Variants in PALS2 observed in about 807,000 individuals in gnomAD.
PALS2 encodes the protein protein associated with LIN7 2, MAGUK p55 family member.
In PALS2, 27 loss-of-function variants were observed where a neutral mutation model predicts 61.6. That is an observed-to-expected ratio of 0.44 (90% confidence interval 0.32 to 0.60). The LOEUF (loss-of-function observed/expected upper bound fraction) is 0.60. PALS2 is among the 20% of genes least tolerant of loss of function. PALS2 has a pLI of 0.05. For missense variants in PALS2, 554 were observed against 639.4 expected (o/e 0.87, Z 1.44); for synonymous variants, 236 against 218.6 (o/e 1.08, Z -0.70).
chr7:24,639,345 C>T (rs1023920451), intron 2 of PALS2, among the ~76,000 whole-genome samples: 3 of 151,864 alleles, frequency 2.0e-5, no homozygotes, highest in Non-Finnish European at 2.9e-5. Context: ...ATCACTTCAC[C>T]TTTTTTTGCA....
intron 1 of PALS2, among the ~76,000 whole-genome samples, chr7:24,604,151 T>A (rs1285304596): frequency 1.4e-5 from 2 of 147,314 alleles, no homozygotes; most frequent in African/African-American, 5.1e-5. Context: ...TTCAAGACTA[T>A]GATCACACCT....
intron 1 of PALS2, among the ~76,000 whole-genome samples, chr7:24,583,287 A>G (rs116157607): frequency 1.3e-5 from 2 of 152,160 alleles, no homozygotes; most frequent in Admixed American, 6.5e-5. Context: ...TGTAAGCCCT[A>G]TTTTTAAAAG....
intron 2 of PALS2, among the ~76,000 whole-genome samples, chr7:24,625,835 C>A (rs573021888): frequency 5.3e-5 from 8 of 152,048 alleles, no homozygotes; most frequent in African/African-American, 1.9e-4. Context: ...TAAGGAAAAA[C>A]AATGGTAGTT....
chr7:24,649,561 A>T, intron 3 of PALS2, 51 bp from the exon 4 acceptor site: 2 of 1,439,836 alleles, frequency 1.4e-6, no homozygotes, highest in Non-Finnish European at 1.8e-6. Flanking sequence ...TTTAGTAACA[A>T]ATTTCATCCA....
intron 1 of PALS2, among the ~76,000 whole-genome samples, chr7:24,602,365 C>A (rs1350194047): frequency 2.0e-5 from 3 of 151,922 alleles, no homozygotes; most frequent in Non-Finnish European, 4.4e-5. Context: ...ATCCAGTATC[C>A]CAAGATTCTT....
chr7:24,607,591 ATATG>A (rs1005218145), intron 1 of PALS2, among the ~76,000 whole-genome samples: 46 of 130,864 alleles, frequency 3.5e-4, no homozygotes, highest in African/African-American at 1.1e-3. Context: ...ATATATACAT[ATATG>A]TGTGTGTATA....
At chr7:24,600,139 A>G (rs560144534) in intron 1 of PALS2, among the ~76,000 whole-genome samples, 2 of 152,302 alleles carry the variant, frequency 1.3e-5, no homozygotes, top group East Asian at 3.9e-4. Flanking sequence ...AAGCAGATCT[A>G]TGAACATTCC....
intron 1 of PALS2, among the ~76,000 whole-genome samples, chr7:24,594,232 G>A (rs1382306882): frequency 6.6e-6 from 1 of 152,036 alleles, no homozygotes; most frequent in African/African-American, 2.4e-5. Context: ...AAGGGAGTTA[G>A]GGCCTTACTC....
At chr7:24,624,605 C>CTTTTTTTT (rs368160704) in intron 2 of PALS2, among the ~76,000 whole-genome samples, 24 of 86,328 alleles carry the variant, frequency 2.8e-4, no homozygotes, top group South Asian at 1.7e-3. Flanking sequence ...GCAGATTCTT[C>CTTTTTTTT]TTTTTTTTTT....
At chr7:24,678,742 C>T (rs78312609) in intron 9 of PALS2, among the ~76,000 whole-genome samples, 10,497 of 152,234 alleles carry the variant, frequency 0.069, 451 homozygotes, top group African/African-American at 0.11. Context: ...GGTAAATATA[C>T]TTTGAGTTTC....
At chr7:24,655,642 T>TC (rs1427769150) in intron 5 of PALS2, among the ~76,000 whole-genome samples, 31 of 146,022 alleles carry the variant, frequency 2.1e-4, no homozygotes, top group Non-Finnish European at 4.2e-4. Flanking sequence ...TTTTTTTTTT[T>TC]TTTTTTTTTT....
chr7:24,623,944 T>C (rs956972118), intron 2 of PALS2, 160 bp downstream of exon 2: 8 of 997,184 alleles, frequency 8.0e-6, no homozygotes, highest in South Asian at 1.6e-5. Context: ...TATGCAAAAA[T>C]TAGACCATTT....
Position 24,668,628 on chromosome 7 carries a change from T to C in PALS2, c.1082T>C (p.Leu361Ser). 2 of 1,613,962 alleles carry C rather than the reference T, an allele frequency of 1.2e-6. No individual in the cohort carries two copies. The highest frequency in any genetic ancestry group is 1.7e-6 in the Non-Finnish European group (2 of 1,179,904). ...RRSLKNRFIV[L>S]NPTRFGTTVP... ...AGCTTGAAAAACAGGTTCATAGTAT[T>C]GAATCCCACTAGATTTGGAACTACG... The change falls in exon 9 of 12, where the codon TTG (leucine) becomes TCG (serine). Residue 361 changes from leucine (L) to serine (S), a missense_variant. Transcript: ENST00000222644.
At chr7:24,639,236 T>C (rs1396619668) in intron 2 of PALS2, among the ~76,000 whole-genome samples, 1 of 152,258 alleles carries the variant, frequency 6.6e-6, no homozygotes, top group Non-Finnish European at 1.5e-5. Context: ...TGGCTCTCTA[T>C]ATAAAGATGA....
chr7:24,663,404 C>A (rs1786842572), intron 5 of PALS2, 186 bp from the exon 6 acceptor site: 1 of 468,024 alleles, frequency 2.1e-6, no homozygotes, highest in Non-Finnish European at 3.5e-6. Flanking sequence ...GTTTTATTAT[C>A]TTTCTGATAC....
intron 1 of PALS2, among the ~76,000 whole-genome samples, chr7:24,621,618 T>G (rs758926320): frequency 2.0e-5 from 3 of 152,014 alleles, no homozygotes; most frequent in Non-Finnish European, 2.9e-5. Flanking sequence ...ACAGATCTGA[T>G]TAGAAGAAAC....
intron 1 of PALS2, among the ~76,000 whole-genome samples, chr7:24,575,389 A>G (rs1782606597): frequency 1.3e-5 from 2 of 152,132 alleles, no homozygotes; most frequent in Non-Finnish European, 2.9e-5. Flanking sequence ...TTAAAAATGA[A>G]TCATATTTTT....
chr7:24,612,364 C>T (rs1784145522), intron 1 of PALS2, among the ~76,000 whole-genome samples: 1 of 151,826 alleles, frequency 6.6e-6, no homozygotes, highest in Non-Finnish European at 1.5e-5. Context: ...ATAGCAGGTA[C>T]CTCCTTGACA....
intron 1 of PALS2, among the ~76,000 whole-genome samples, chr7:24,577,271 CTTTT>C (rs59851624): frequency 7.6e-6 from 1 of 131,334 alleles, no homozygotes. Flanking sequence ...TCCTTTTTTC[CTTTT>C]TTTTTTTTTT....
Sources: allele counts gnomAD v4.1 joint callset (sites outside exome capture counted in the v4.1 genomes callset), GRCh38; gene constraint gnomAD v4.1.1; transcripts MANE v1.5; gene names NCBI Gene and HGNC (gene_info 2026-07-23, HGNC 2026-07-21).